Variants in AMPH observed in about 807,000 individuals in gnomAD.
AMPH encodes the protein amphiphysin.
Under a neutral mutation model 99.1 loss-of-function variants are expected in AMPH, and 49 were observed. That is an observed-to-expected ratio of 0.49 (90% confidence interval 0.39 to 0.63). AMPH has a LOEUF of 0.63. AMPH is among the 20% of genes least tolerant of loss of function. The pLI, the probability that AMPH is intolerant of heterozygous loss-of-function variation, is 0.00. For synonymous variants in AMPH, 314 were observed against 317.3 expected (o/e 0.99, Z 0.11); for missense variants, 759 against 863.4 (o/e 0.88, Z 1.52).
At chr7:38,441,844 T>TATATATCATATATATC (rs1562757688) in intron 11 of AMPH, among the ~76,000 whole-genome samples, 6 of 97,546 alleles carry the variant, frequency 6.2e-5, no homozygotes, top group East Asian at 6.8e-4. Context: ...TCATATATCA[T>TATATATCATATATATC]ATATATCATA....
At chr7:38,468,593 T>G (rs17171374) in intron 7 of AMPH, among the ~76,000 whole-genome samples, 1 of 152,200 alleles carries the variant, frequency 6.6e-6, no homozygotes, top group Non-Finnish European at 1.5e-5. Flanking sequence ...AGCATGTATT[T>G]AATTAGGATA....
At chr7:38,531,145 A>G (rs1790383159) in intron 2 of AMPH, 1 of 152,174 alleles carries the variant, frequency 6.6e-6, no homozygotes, top group Non-Finnish European at 1.5e-5. Flanking sequence ...TCCATTTTCA[A>G]CCTGGGCAGG....
intron 3 of AMPH, among the ~76,000 whole-genome samples, chr7:38,503,278 T>C (rs1256428685): frequency 6.6e-6 from 1 of 152,170 alleles, no homozygotes; most frequent in Admixed American, 6.5e-5. Flanking sequence ...GTGAGAGGGC[T>C]TAGGTGCGTG....
chr7:38,513,786 T>A (rs1200331496), intron 2 of AMPH, among the ~76,000 whole-genome samples: 1 of 152,178 alleles, frequency 6.6e-6, no homozygotes, highest in African/African-American at 2.4e-5. Flanking sequence ...TCAAGTCAAT[T>A]CCTCAGTTGT....
At chr7:38,597,564 T>C (rs1793104484) in intron 1 of AMPH, among the ~76,000 whole-genome samples, 1 of 152,174 alleles carries the variant, frequency 6.6e-6, no homozygotes, top group South Asian at 2.1e-4. Flanking sequence ...ACATTCCCCA[T>C]GCTGAGGTGA....
rs543508103 is a variant in AMPH at position 38,429,304 on chromosome 7, C to T, written c.1182+538G>A. On this transcript the variant is annotated intron_variant, in intron 14 of 20. Coordinates refer to ENST00000356264, the MANE Select transcript of AMPH (RefSeq NM_001635.4). The stretch of plus-strand genomic sequence containing the variant: ...CCACCTGGAAAGGCTGGCCCCGGGG[C>T]ATGCTCACTCTCTTCAGCTACAGTG... 7.6e-5 allele frequency: 98 copies of T among 1,287,280 alleles called. No individual in the cohort carries two copies. The African/African-American group carries it at 1.3e-3, about 17-fold the overall frequency. 79.7% of individuals were successfully genotyped at this position (1,287,280 alleles called of 1,614,324 possible). A position where few individuals can be genotyped will look rare whatever the true frequency, so the allele number is the denominator to read the frequency against.
chr7:38,555,310 T>A (rs966063465), intron 1 of AMPH, among the ~76,000 whole-genome samples: 1 of 151,380 alleles, frequency 6.6e-6, no homozygotes. Context: ...CAGCTGTGGG[T>A]AGGAGGATTG....
chr7:38,581,209 C>CA (rs372691960), intron 1 of AMPH, among the ~76,000 whole-genome samples: 32 of 151,086 alleles, frequency 2.1e-4, no homozygotes, highest in East Asian at 5.8e-4. Flanking sequence ...CATTAAATGG[C>CA]AAAAAAAAGT....
intron 1 of AMPH, among the ~76,000 whole-genome samples, chr7:38,561,728 G>A: frequency 6.6e-6 from 1 of 152,106 alleles, no homozygotes; most frequent in South Asian, 2.1e-4. Context: ...CCTCTGGGAG[G>A]CAAATAGGTT....
intron 5 of AMPH, among the ~76,000 whole-genome samples, chr7:38,485,475 GAAGA>G (rs1398943599): frequency 2.0e-5 from 3 of 151,952 alleles, no homozygotes; most frequent in East Asian, 1.9e-4. Context: ...ATGACAAACT[GAAGA>G]AAGAAACAGA....
intron 3 of AMPH, among the ~76,000 whole-genome samples, chr7:38,499,360 A>G (rs1409880371): frequency 1.3e-5 from 2 of 152,234 alleles, no homozygotes; most frequent in Non-Finnish European, 2.9e-5. Flanking sequence ...CCTAAGCATC[A>G]GCAGAAATCA....
At chr7:38,535,799 G>A (rs577483827) in intron 1 of AMPH, among the ~76,000 whole-genome samples, 11 of 152,162 alleles carry the variant, frequency 7.2e-5, no homozygotes, top group East Asian at 1.9e-4. Context: ...ACCTAATGCC[G>A]CTGCTGATCT....
At chr7:38,584,025 T>C (rs1792559227) in intron 1 of AMPH, among the ~76,000 whole-genome samples, 1 of 152,258 alleles carries the variant, frequency 6.6e-6, no homozygotes, top group Non-Finnish European at 1.5e-5. Context: ...TCTAAATCCA[T>C]GGAAAAGACT....
chr7:38,561,998 T>C (rs1179762904), intron 1 of AMPH, among the ~76,000 whole-genome samples: 2 of 149,848 alleles, frequency 1.3e-5, no homozygotes, highest in Non-Finnish European at 3.0e-5. Context: ...CAGCCGAGGC[T>C]GACTAAGACA....
At chr7:38,588,144 G>A (rs1792733610) in intron 1 of AMPH, among the ~76,000 whole-genome samples, 1 of 152,108 alleles carries the variant, frequency 6.6e-6, no homozygotes, top group Non-Finnish European at 1.5e-5. Context: ...TCTAGAGATG[G>A]GGTTTGGCCA....
intron 11 of AMPH, among the ~76,000 whole-genome samples, chr7:38,438,604 G>A (rs1456915762): frequency 6.6e-6 from 1 of 152,122 alleles, no homozygotes; most frequent in Non-Finnish European, 1.5e-5. Flanking sequence ...CCTTAAGGAA[G>A]CTCAAATGGG....
At chr7:38,398,083 T>C (rs1024163806) in intron 17 of AMPH, among the ~76,000 whole-genome samples, 3 of 144,756 alleles carry the variant, frequency 2.1e-5, no homozygotes, top group African/African-American at 5.2e-5. Context: ...GCAACTATTA[T>C]GGTGAACAGT....
At chr7:38,592,345 A>G (rs1792887212) in intron 1 of AMPH, among the ~76,000 whole-genome samples, 2 of 152,192 alleles carry the variant, frequency 1.3e-5, no homozygotes, top group South Asian at 2.1e-4. Context: ...CAAGCAAGGT[A>G]TGATCATTCC....
intron 17 of AMPH, among the ~76,000 whole-genome samples, chr7:38,416,186 C>T (rs890381629): frequency 2.1e-5 from 3 of 144,542 alleles, no homozygotes; most frequent in Admixed American, 7.3e-5. Flanking sequence ...CACTGGAAAA[C>T]CATAAACCTG....
Sources: allele counts gnomAD v4.1 joint callset (sites outside exome capture counted in the v4.1 genomes callset), GRCh38; gene constraint gnomAD v4.1.1; transcripts MANE v1.5; gene names NCBI Gene and HGNC (gene_info 2026-07-23, HGNC 2026-07-21).